Variants in SAMD5 observed in about 807,000 individuals in gnomAD.
SAMD5 encodes the protein sterile alpha motif domain-containing protein 5.
Under a neutral mutation model 11.3 loss-of-function variants are expected in SAMD5, and 13 were observed. The observed-to-expected ratio is 1.15, with a 90% CI of 0.75 to 1.83. The LOEUF is 1.83. SAMD5 is among the 40% of genes most tolerant of loss of function. The probability of loss-of-function intolerance (pLI) is 0.00; values close to 1 mark genes in which losing one functional copy is unlikely to be tolerated. For missense variants in SAMD5, 255 were observed against 239.1 expected (o/e 1.07, Z -0.44); for synonymous variants, 129 against 111.3 (o/e 1.16, Z -1.00).
the SAMD5 span, among the ~76,000 whole-genome samples, chr6:147,804,557 T>C: frequency 2.6e-5 from 4 of 152,376 alleles, no homozygotes; most frequent in African/African-American, 9.6e-5. Flanking sequence ...TACTGCCAGA[T>C]AATCTAGCAT....
At chr6:147,586,671 T>C (rs1317921474) in intron 1 of SAMD5, among the ~76,000 whole-genome samples, 1 of 151,606 alleles carries the variant, frequency 6.6e-6, no homozygotes, top group Non-Finnish European at 1.5e-5. Flanking sequence ...TATAATAATT[T>C]ATATTTTAAA....
chr6:147,546,530 CAAA>C (rs752623961), intron 1 of SAMD5, among the ~76,000 whole-genome samples: 1 of 112,206 alleles, frequency 8.9e-6, no homozygotes, highest in African/African-American at 3.6e-5. Flanking sequence ...AACTCTGTCT[CAAA>C]AAAAAAAAAA....
chr6:147,565,719 A>G lies in SAMD5; in HGVS notation c.*1263A>G. On this transcript the variant is annotated 3_prime_UTR_variant, in exon 2 of 2. Transcript: ENST00000367474. ...AAATGATCCACTCGCCGTGGCCTCC[A>G]GTAGCGCTGGGATTACAGGCGTGAG... is the stretch of plus-strand genomic sequence containing the variant. The G allele has an allele frequency of 1.0e-6, 1 of 962,148 alleles. No homozygotes were observed. Among genetic ancestry groups the G allele is most frequent in the Non-Finnish European group, 1.2e-6 (1 of 808,880 alleles). The allele number at this position is 962,148 out of a possible 1,614,324, so 59.6% of individuals were successfully genotyped here. A position where few individuals can be genotyped will look rare whatever the true frequency, so the allele number is the denominator to read the frequency against.
chr6:147,933,364 AC>A, the SAMD5 span, among the ~76,000 whole-genome samples: 1 of 152,236 alleles, frequency 6.6e-6, no homozygotes, highest in Non-Finnish European at 1.5e-5. Flanking sequence ...AGACAGTGGG[AC>A]TATTGAAGAG....
At chr6:147,722,039 T>C (rs1384855290) in intron 1 of SAMD5, among the ~76,000 whole-genome samples, 2 of 152,232 alleles carry the variant, frequency 1.3e-5, no homozygotes, top group African/African-American at 4.8e-5. Flanking sequence ...TATTATTTCC[T>C]GTGAATAGAG....
At chr6:147,613,665 G>A (rs1789820244) in intron 1 of SAMD5, among the ~76,000 whole-genome samples, 1 of 151,438 alleles carries the variant, frequency 6.6e-6, no homozygotes, top group Non-Finnish European at 1.5e-5. Flanking sequence ...ATATAAGGCA[G>A]AGAAAACAGA....
the SAMD5 span, among the ~76,000 whole-genome samples, chr6:147,798,020 T>G: frequency 6.6e-6 from 1 of 151,664 alleles, no homozygotes; most frequent in East Asian, 1.9e-4. Context: ...AAAGACCAGC[T>G]CCTGGATTCA....
intron 1 of SAMD5, among the ~76,000 whole-genome samples, chr6:147,717,154 G>A (rs899720658): frequency 1.3e-5 from 2 of 152,314 alleles, no homozygotes; most frequent in Non-Finnish European, 2.9e-5. Flanking sequence ...TGTCCTCATA[G>A]CCTATACAGT....
chr6:147,556,806 T>C (rs888381816), intron 1 of SAMD5, among the ~76,000 whole-genome samples: 2 of 152,214 alleles, frequency 1.3e-5, no homozygotes, highest in Admixed American at 1.3e-4. Context: ...ATTTTCAATT[T>C]TAATTTATCA....
At chr6:147,557,371 A>G (rs754930005) in intron 1 of SAMD5, among the ~76,000 whole-genome samples, 7 of 152,254 alleles carry the variant, frequency 4.6e-5, no homozygotes, top group Non-Finnish European at 7.3e-5. Context: ...GTGTTAAAAC[A>G]ACAGAAGTTT....
chr6:147,674,826 C>T (rs1790841381), intron 1 of SAMD5, among the ~76,000 whole-genome samples: 1 of 152,164 alleles, frequency 6.6e-6, no homozygotes. Context: ...AAAGAAACTG[C>T]CCACTCTCCT....
At chr6:147,868,706 T>A in the SAMD5 span, among the ~76,000 whole-genome samples, 1 of 152,184 alleles carries the variant, frequency 6.6e-6, no homozygotes, top group Non-Finnish European at 1.5e-5. Context: ...ATGAGAAATT[T>A]TCATGGTTTT....
At chr6:147,751,688 T>A in the SAMD5 span, among the ~76,000 whole-genome samples, 10 of 152,218 alleles carry the variant, frequency 6.6e-5, no homozygotes, top group African/African-American at 2.4e-4. Context: ...TCAAACCAGA[T>A]GACACTAATC....
the SAMD5 span, among the ~76,000 whole-genome samples, chr6:147,930,570 A>G: frequency 6.6e-6 from 1 of 152,174 alleles, no homozygotes. Context: ...GGAGAATGAT[A>G]GAAGCATGGC....
At chr6:147,935,003 T>C in the SAMD5 span, among the ~76,000 whole-genome samples, 3 of 152,268 alleles carry the variant, frequency 2.0e-5, no homozygotes, top group South Asian at 4.1e-4. Context: ...GGACTAAACA[T>C]GGATGCCAAG....
the SAMD5 span, among the ~76,000 whole-genome samples, chr6:147,936,890 G>A: frequency 9.2e-5 from 14 of 152,206 alleles, no homozygotes; most frequent in African/African-American, 3.4e-4. Context: ...TATGTGACAC[G>A]TCATCAGTCT....
At position 147,515,176 on chromosome 6, in the gene SAMD5, G is replaced by GTTTTTTTTTT. The variant is rs71031029; in HGVS notation, c.459+5811_459+5820dup. 5.5e-4 allele frequency among the ~76,000 whole-genome samples: 41 copies of GTTTTTTTTTT among 75,036 alleles called. 1 individual carries two copies. The highest frequency in any genetic ancestry group is 9.0e-4 in the Non-Finnish European group (36 of 39,912). The allele number at this position is 75,036 out of a possible 152,430, so 49.2% of individuals were successfully genotyped here. A position where few individuals can be genotyped will look rare whatever the true frequency, so the allele number is the denominator to read the frequency against. On this transcript the variant is annotated intron_variant, in intron 1 of 1. Coordinates refer to ENST00000367474, the MANE Select transcript of SAMD5 (RefSeq NM_001030060.3). ...ATACCCTCAACCTATATCCTTCCAG[G>GTTTTTTTTTT]TTTTTTTTTTTTTTTTTTTTTTTTT...
At chr6:147,943,217 G>C in the SAMD5 span, among the ~76,000 whole-genome samples, 4 of 152,104 alleles carry the variant, frequency 2.6e-5, no homozygotes, top group African/African-American at 9.7e-5. Flanking sequence ...GTATGTGCAC[G>C]AACATCATTT....
the SAMD5 span, among the ~76,000 whole-genome samples, chr6:147,780,461 G>A: frequency 1.3e-5 from 2 of 152,124 alleles, no homozygotes; most frequent in Admixed American, 6.5e-5. Flanking sequence ...GCCCATCTTG[G>A]CATCCCAAAG....
Sources: allele counts gnomAD v4.1 joint callset (sites outside exome capture counted in the v4.1 genomes callset), GRCh38; gene constraint gnomAD v4.1.1; transcripts MANE v1.5; gene names NCBI Gene and HGNC (gene_info 2026-07-23, HGNC 2026-07-21).